ARNT: variants seen among roughly 807,000 people sequenced by gnomAD.
ARNT encodes the protein aryl hydrocarbon receptor nuclear translocator, also known as class E basic helix-loop-helix protein 2.
ARNT carries 30 observed loss-of-function variants against 105.0 expected under a neutral mutation model. That is an observed-to-expected ratio of 0.29 (90% CI 0.21 to 0.39). ARNT has a LOEUF of 0.39. Among genes scored for constraint, ARNT ranks in the 10% least tolerant of loss-of-function variants. ARNT has a pLI of 1.00. For missense variants in ARNT, 748 were observed against 978.7 expected, an observed-to-expected ratio of 0.76 and a Z score of 3.15; for synonymous variants, 304 against 344.0, an observed-to-expected ratio of 0.88 and a Z score of 1.29.
At chr1:150,829,752 A>G (rs1658992195) in intron 11 of ARNT, 152 bp downstream of exon 11, 5 of 768,532 alleles carry the variant, frequency 6.5e-6, no homozygotes, top group East Asian at 2.7e-5. Flanking sequence ...AAGAATAGCA[A>G]TGGTCACTAT....
chr1:150,855,788 G>A (rs1185506145), intron 2 of ARNT, among the ~76,000 whole-genome samples: 1 of 151,254 alleles, frequency 6.6e-6, no homozygotes. Context: ...TGTGGTCCCA[G>A]CTACTCGGAG....
chr1:150,858,448 T>C lies in ARNT; in HGVS notation c.38A>G (p.Asp13Gly). The change falls in exon 2 of 22, where the codon GAT (aspartate) becomes GGT (glycine). Residue 13 changes from aspartate (D) to glycine (G), a missense_variant. Asp to Gly is a moderately conservative substitution (Grantham distance 94). This residue lies in a region of ARNT where 93 missense variants were observed against 101.6 expected (regional missense o/e 0.92). Transcript: ENST00000358595. ...AATGGCTGGACCCAGTGATGGTACA[T>C]CTGATGTCATTTCTGTCAGGAAAAT... ...ATTANPEMTS[D>G]VPSLGPAIAS... The C allele has an allele frequency of 1.9e-6, 3 of 1,605,194 alleles. No individual in the cohort carries two copies. The highest frequency in any genetic ancestry group is 2.6e-6 in the Non-Finnish European group (3 of 1,174,598).
chr1:150,859,844 T>C (rs1197254088), intron 1 of ARNT, among the ~76,000 whole-genome samples: 2 of 151,904 alleles, frequency 1.3e-5, no homozygotes, highest in African/African-American at 4.8e-5. Flanking sequence ...ACCTCATCTG[T>C]ACAAAAAATA....
At chr1:150,838,549 C>A (rs1660711937) in intron 6 of ARNT, among the ~76,000 whole-genome samples, 1 of 152,204 alleles carries the variant, frequency 6.6e-6, no homozygotes, top group Admixed American at 6.5e-5. Flanking sequence ...AGTAGACCAT[C>A]CTATTTGGAA....
rs140420727 is a variant in ARNT, at chr1:150,816,272, C to G, written c.1937G>C (p.Gly646Ala). ...TPTWTPTTRS[G>A]FSAQQVATQA... is the part of the protein sequence containing the mutation. Reference sequence around the variant, plus strand: ...GATAAGTTTTACCTGGGCAGAAAAGCCTGAGCGGGTAGTAGGGGTCCAAGT... The same window carrying G: ...GATAAGTTTTACCTGGGCAGAAAAGGCTGAGCGGGTAGTAGGGGTCCAAGT... The change falls in exon 19 of 22, where the codon GGC (glycine) becomes GCC (alanine). Residue 646 changes from glycine to alanine, a missense_variant. Physicochemically the swap from Gly to Ala is moderately conservative, Grantham distance 60. Transcript: ENST00000358595. 1.1e-5 allele frequency: 18 copies of G among 1,601,946 alleles called. No individual in the cohort carries two copies. In the Admixed American group the frequency reaches 3.2e-4, roughly 29 times the overall value.
chr1:150,863,013 T>C (rs1665929111), intron 1 of ARNT, among the ~76,000 whole-genome samples: 1 of 144,544 alleles, frequency 6.9e-6, no homozygotes, highest in South Asian at 2.2e-4. Flanking sequence ...ATCGTGCCAC[T>C]GCACTCTAGC....
intron 2 of ARNT, among the ~76,000 whole-genome samples, chr1:150,856,608 C>T (rs1204465119): frequency 1.3e-5 from 2 of 149,970 alleles, no homozygotes; most frequent in South Asian, 2.1e-4. Flanking sequence ...ACTAAAAATA[C>T]AAAAATTAGC....
intron 4 of ARNT, among the ~76,000 whole-genome samples, chr1:150,843,710 C>G (rs1254965789): frequency 5.9e-5 from 9 of 152,084 alleles, no homozygotes; most frequent in Admixed American, 5.9e-4. Flanking sequence ...GCTGGAATTA[C>G]AGGCATAAGC....
At chr1:150,865,110 A>C (rs1666341113) in intron 1 of ARNT, among the ~76,000 whole-genome samples, 1 of 152,070 alleles carries the variant, frequency 6.6e-6, no homozygotes, top group Non-Finnish European at 1.5e-5. Context: ...TAAAAAAAAC[A>C]AGGTGATAAA....
At chr1:150,846,219 G>A (rs1257532568) in intron 4 of ARNT, 44 bp downstream of exon 4, 2 of 1,532,414 alleles carry the variant, frequency 1.3e-6, no homozygotes, top group South Asian at 1.1e-5. Context: ...TCTACAACAT[G>A]GATCATATTA....
chr1:150,860,997 C>T (rs1050990736), intron 1 of ARNT, among the ~76,000 whole-genome samples: 3 of 152,124 alleles, frequency 2.0e-5, no homozygotes, highest in Admixed American at 6.5e-5. Flanking sequence ...CCAATAAATA[C>T]ATGTAAAGTG....
At chr1:150,855,496 A>G (rs993218067) in intron 2 of ARNT, among the ~76,000 whole-genome samples, 8 of 152,128 alleles carry the variant, frequency 5.3e-5, no homozygotes, top group Non-Finnish European at 5.9e-5. Flanking sequence ...CAGGAGGCGG[A>G]GCTTGCAGTG....
At chr1:150,819,784 GAATGACTGTT>G (rs1656685135) in intron 14 of ARNT, among the ~76,000 whole-genome samples, 1 of 152,132 alleles carries the variant, frequency 6.6e-6, no homozygotes, top group Non-Finnish European at 1.5e-5. Context: ...AAAGAACAGG[GAATGACTGTT>G]AACTGATCTA....
intron 20 of ARNT, among the ~76,000 whole-genome samples, chr1:150,813,733 C>T (rs746084622): frequency 6.6e-6 from 1 of 151,950 alleles, no homozygotes; most frequent in Non-Finnish European, 1.5e-5. Flanking sequence ...CAACCTCTGC[C>T]TCCTGGGTTC....
rs1320142506 is a variant in ARNT, at chr1:150,811,071, T to C, written c.*950A>G. On this transcript the variant is annotated 3_prime_UTR_variant, in exon 22 of 22. Coordinates refer to ENST00000358595, the MANE Select transcript of ARNT (RefSeq NM_001668.4). ...ATTCTGACAGAAAAATGCAGCATTA[T>C]CTTTATGGCCAAGTCTCGGGTTCCA... The C allele has an allele frequency of 4.3e-6, 1 of 232,418 alleles. No homozygotes were observed. Among genetic ancestry groups the C allele is most frequent in the African/African-American group, 2.2e-5 (1 of 45,286 alleles). 14.4% of individuals were successfully genotyped at this position (232,418 alleles called of 1,614,324 possible).
At chr1:150,872,139 G>A (rs754175963) in intron 1 of ARNT, among the ~76,000 whole-genome samples, 1 of 151,914 alleles carries the variant, frequency 6.6e-6, no homozygotes, top group Non-Finnish European at 1.5e-5. Context: ...TGTATTTTTT[G>A]TAGTAAAGGG....
At chr1:150,861,510 C>T (rs780291656) in intron 1 of ARNT, among the ~76,000 whole-genome samples, 4 of 152,148 alleles carry the variant, frequency 2.6e-5, no homozygotes, top group African/African-American at 4.8e-5. Context: ...TACAGGTTAA[C>T]GGATAAAGAA....
intron 5 of ARNT, among the ~76,000 whole-genome samples, chr1:150,841,701 G>A (rs1180759390): frequency 6.6e-6 from 1 of 152,182 alleles, no homozygotes; most frequent in East Asian, 1.9e-4. Context: ...TCTCCCAAGA[G>A]AATTCTAGAG....
chr1:150,811,741 C>T lies in ARNT; in HGVS notation c.*280G>A, dbSNP rs750962650. The T allele has an allele frequency of 4.4e-5, 12 of 274,740 alleles. No homozygotes were observed. The highest frequency in any genetic ancestry group is 6.5e-5 in the African/African-American group (3 of 46,392). The allele number at this position is 274,740 out of a possible 1,614,324, so 17.0% of individuals were successfully genotyped here. On this transcript the variant is annotated 3_prime_UTR_variant, in exon 22 of 22. Coordinates refer to ENST00000358595, the MANE Select transcript of ARNT (RefSeq NM_001668.4). ...GATCTCAGCACAAATCAACACTATA[C>T]AATTTCAGGTCAGGAGACATAAGGA...
Sources: allele counts gnomAD v4.1 joint callset (sites outside exome capture counted in the v4.1 genomes callset), GRCh38; gene constraint gnomAD v4.1.1; regional missense constraint gnomAD v4.1.1; transcripts MANE v1.5; gene names NCBI Gene and HGNC (gene_info 2026-07-23, HGNC 2026-07-21).